The following SLC26A7 variants were observed in gnomAD, a reference collection of about 807,000 sequenced individuals.
SLC26A7 encodes solute carrier family 26 member 7, also known as anion exchange transporter.
SLC26A7 carries 59 observed loss-of-function variants against 82.5 expected under a neutral mutation model. That is an observed-to-expected ratio of 0.72 (90% CI 0.58 to 0.89). The LOEUF (loss-of-function observed/expected upper bound fraction) is 0.89. SLC26A7 is among the 40% of genes least tolerant of loss of function. The probability of loss-of-function intolerance (pLI) is 0.00; values close to 1 mark genes in which losing one functional copy is unlikely to be tolerated. For synonymous variants in SLC26A7, 271 were observed against 274.3 expected (o/e 0.99, Z 0.12); for missense variants, 820 against 793.0 (o/e 1.03, Z -0.41).
chr8:91,394,364 C>A, intron 18 of SLC26A7: 1 of 1,551,884 alleles, frequency 6.4e-7, no homozygotes, highest in Admixed American at 2.0e-5. Flanking sequence ...CTTGAATCCA[C>A]CTTTCTCAAA....
intron 4 of SLC26A7, among the ~76,000 whole-genome samples, chr8:91,317,986 AT>A (rs1231362071): frequency 4.5e-4 from 66 of 147,284 alleles, no homozygotes; most frequent in African/African-American, 6.4e-4. Context: ...AACAAAAAAA[AT>A]AAAATAAAAT....
Position 91,221,865 on chromosome 8 carries a change from A to T in SLC26A7, c.-34+2860A>T, listed in dbSNP as rs960272010. Among the ~76,000 whole-genome samples, 7 of 151,852 alleles carry T rather than the reference A, an allele frequency of 4.6e-5. No individual in the cohort carries two copies. In the East Asian group the frequency reaches 1.4e-3, roughly 29 times the overall value. ...TCTTGGCTGTACAGGGTCTTCTGTG[A>T]TTCCATATGAAATTTAAAATAGTTT... On this transcript the variant is annotated intron_variant, in intron 2 of 5. Coordinates refer to the SLC26A7 transcript ENST00000522862.
chr8:91,295,724 A>C (rs746145641), intron 4 of SLC26A7, 21 bp downstream of exon 4: 2 of 1,610,472 alleles, frequency 1.2e-6, no homozygotes, highest in Non-Finnish European at 1.7e-6. Flanking sequence ...CTGACACTTG[A>C]GCACAAAGAA....
intron 15 of SLC26A7, among the ~76,000 whole-genome samples, chr8:91,373,832 A>C (rs568832393): frequency 7.6e-4 from 115 of 152,020 alleles, no homozygotes; most frequent in African/African-American, 2.4e-3. Flanking sequence ...TGGTAGAATT[A>C]GCCTGTGAAT....
chr8:91,279,125 G>GTGTGTATATA (rs1382744780), intron 2 of SLC26A7, among the ~76,000 whole-genome samples: 146 of 111,244 alleles, frequency 1.3e-3, no homozygotes, highest in African/African-American at 2.5e-3. Flanking sequence ...GTGTGTGTGT[G>GTGTGTATATA]TATATATATA....
chr8:91,258,489 T>A (rs1810869059), intron 2 of SLC26A7, among the ~76,000 whole-genome samples: 1 of 152,032 alleles, frequency 6.6e-6, no homozygotes, highest in Admixed American at 6.6e-5. Context: ...TTAACCAAGT[T>A]CTGTAAATTC....
At chr8:91,224,782 A>G in intron 2 of SLC26A7, among the ~76,000 whole-genome samples, 1 of 152,230 alleles carries the variant, frequency 6.6e-6, no homozygotes, top group Non-Finnish European at 1.5e-5. Flanking sequence ...CAGAACGACC[A>G]GGAGGAGAGG....
At chr8:91,334,555 GTC>G (rs1380725408) in intron 6 of SLC26A7, 108 bp downstream of exon 6, 2 of 951,166 alleles carry the variant, frequency 2.1e-6, no homozygotes, top group African/African-American at 3.4e-5. Flanking sequence ...AGCTACTCCT[GTC>G]TCTCATTAAA....
intron 2 of SLC26A7, among the ~76,000 whole-genome samples, chr8:91,260,916 C>T (rs748465820): frequency 3.3e-5 from 5 of 152,072 alleles, no homozygotes; most frequent in Non-Finnish European, 7.4e-5. Context: ...TTTGTTTTCA[C>T]ACAATTATGG....
intron 2 of SLC26A7, among the ~76,000 whole-genome samples, chr8:91,257,339 C>T (rs1261296426): frequency 2.6e-5 from 4 of 152,092 alleles, no homozygotes; most frequent in South Asian, 2.1e-4. Context: ...GGGAAAATAA[C>T]GAGGCTTACT....
intron 11 of SLC26A7, among the ~76,000 whole-genome samples, chr8:91,362,095 G>T (rs1304814930): frequency 6.6e-6 from 1 of 152,094 alleles, no homozygotes; most frequent in East Asian, 1.9e-4. Flanking sequence ...TACAGTGTTT[G>T]TTGGGGATTG....
chr8:91,348,643 T>C (rs1813630716), intron 9 of SLC26A7, among the ~76,000 whole-genome samples: 1 of 152,086 alleles, frequency 6.6e-6, no homozygotes. Flanking sequence ...CAGTGGGTAA[T>C]TGTGTGAACA....
At chr8:91,244,589 G>A (rs191184904), upstream of SLC26A7, among the ~76,000 whole-genome samples, 338 of 151,096 alleles carry the variant, frequency 2.2e-3, 1 homozygote, top group African/African-American at 7.9e-3. Context: ...CTGCAGCCCC[G>A]ACCTCCTGAG....
chr8:91,299,490 GA>G (rs1812104859), intron 4 of SLC26A7, among the ~76,000 whole-genome samples: 1 of 151,960 alleles, frequency 6.6e-6, no homozygotes, highest in African/African-American at 2.4e-5. Flanking sequence ...GTGTGATATG[GA>G]TGTAATTTTA....
Position 91,393,850 on chromosome 8 carries a change from A to G in SLC26A7, c.1830A>G (p.Thr610=), listed in dbSNP as rs781429289. 1.9e-6 allele frequency: 3 copies of G among 1,613,690 alleles called. No individual in the cohort carries two copies. Among genetic ancestry groups the G allele is most frequent in the Non-Finnish European group, 1.7e-6 (2 of 1,179,640 alleles). ...RSVDVLLAHC[T]ASLIKAMTYY... ...TGGATGTATTGTTAGCCCATTGTAC[A>G]GGTAAGAGAATGTCCCTGACTAACG... Residue 610 remains threonine (T), a splice_region_variant and synonymous_variant, in exon 17 of 19, where the codon ACA becomes ACG. Coordinates refer to ENST00000276609, the MANE Select transcript of SLC26A7 (RefSeq NM_052832.4).
intron 5 of SLC26A7, among the ~76,000 whole-genome samples, chr8:91,333,387 C>T (rs540986411): frequency 9.9e-5 from 15 of 152,188 alleles, no homozygotes; most frequent in Non-Finnish European, 2.1e-4. Flanking sequence ...GGGCTGCACA[C>T]TTTTAAAGAC....
At chr8:91,240,627 A>G (rs989185218) in intron 2 of SLC26A7, among the ~76,000 whole-genome samples, 4 of 152,182 alleles carry the variant, frequency 2.6e-5, no homozygotes, top group Non-Finnish European at 5.9e-5. Flanking sequence ...ACTTCCTGAG[A>G]CAAATAAGCT....
rs759985605 is a variant in SLC26A7 at position 91,340,538 on chromosome 8, T to C, written c.1013T>C (p.Ile338Thr). 5.0e-6 allele frequency: 8 copies of C among 1,613,752 alleles called. No homozygotes were observed. Among genetic ancestry groups the C allele is most frequent in the African/African-American group, 1.3e-5 (1 of 74,882 alleles). Residue 338 changes from isoleucine (I) to threonine (T), a missense_variant, in exon 8 of 19, where the codon ATT (isoleucine) becomes ACT (threonine). By Grantham distance (89) the Ile-to-Thr change is moderately conservative. Coordinates refer to ENST00000276609, the MANE Select transcript of SLC26A7 (RefSeq NM_052832.4). ...TCTGCCAAAAAATTCAAATATTCAATTGATGACAACCAGGTGGAGTGTGCC... is the reference window on the plus strand; with the variant it reads ...TCTGCCAAAAAATTCAAATATTCAACTGATGACAACCAGGTGGAGTGTGCC... ...QGSAKKFKYS[I>T]DDNQEFLAHG...
intron 1 of SLC26A7, among the ~76,000 whole-genome samples, chr8:91,218,358 T>TAGAA (rs372886171): frequency 0.76 from 115,828 of 152,016 alleles, 45,372 homozygotes; most frequent in African/African-American, 0.93. Flanking sequence ...TTGTACAAAT[T>TAGAA]ATTTTGAAGT....
Sources: gnomAD v4.1 joint callset for allele counts (sites outside exome capture counted in the v4.1 genomes callset) on GRCh38, gnomAD v4.1.1 for gene constraint, MANE v1.5 for transcripts, NCBI Gene and HGNC (gene_info 2026-07-23, HGNC 2026-07-21) for gene names.